Variants in PRKCA observed in about 807,000 individuals in gnomAD.
PRKCA encodes the protein protein kinase C alpha.
In PRKCA, 27 loss-of-function variants were observed where a neutral mutation model predicts 87.0. The ratio of observed to expected loss-of-function variants is 0.31; its 90% CI spans 0.23 to 0.43. The LOEUF (loss-of-function observed/expected upper bound fraction) is 0.43, where lower values mean the gene tolerates loss of function less well. PRKCA is among the 20% of genes least tolerant of loss of function. PRKCA has a pLI of 1.00. For synonymous variants in PRKCA, 329 were observed against 311.1 expected, an observed-to-expected ratio of 1.06 and a Z score of -0.61; for missense variants, 518 against 852.3, an observed-to-expected ratio of 0.61 and a Z score of 4.88.
At chr17:66,444,950 C>T (rs1913958059) in intron 2 of PRKCA, among the ~76,000 whole-genome samples, 1 of 152,204 alleles carries the variant, frequency 6.6e-6, no homozygotes, top group South Asian at 2.1e-4. Context: ...ACAACACACA[C>T]ACACTCTCAC....
chr17:66,527,263 C>T (rs1967376422), intron 3 of PRKCA, among the ~76,000 whole-genome samples: 1 of 150,458 alleles, frequency 6.6e-6, no homozygotes, highest in South Asian at 2.1e-4. Context: ...TTTGCATTCT[C>T]ATTATTCTGT....
chr17:66,328,717 G>A (rs1429121976), intron 2 of PRKCA, among the ~76,000 whole-genome samples: 1 of 152,168 alleles, frequency 6.6e-6, no homozygotes, highest in African/African-American at 2.4e-5. Flanking sequence ...AGAATCTTTT[G>A]AATCTGGGAG....
intron 16 of PRKCA, among the ~76,000 whole-genome samples, chr17:66,800,053 C>T (rs1409498389): frequency 2.6e-5 from 4 of 152,336 alleles, no homozygotes; most frequent in South Asian, 4.1e-4. Flanking sequence ...TGCTAAGACA[C>T]ACCCATGGCT....
chr17:66,749,976 C>T (rs1020470734), intron 13 of PRKCA, among the ~76,000 whole-genome samples: 1 of 152,054 alleles, frequency 6.6e-6, no homozygotes, highest in Non-Finnish European at 1.5e-5. Flanking sequence ...ACAGCCCCAG[C>T]TGACCCCAGA....
chr17:66,367,454 G>T (rs1466749686), intron 2 of PRKCA, among the ~76,000 whole-genome samples: 1 of 152,220 alleles, frequency 6.6e-6, no homozygotes, highest in Non-Finnish European at 1.5e-5. Flanking sequence ...AGCCACTGCT[G>T]TACCTAAAAC....
chr17:66,489,561 A>G (rs942204615), intron 2 of PRKCA, among the ~76,000 whole-genome samples: 8 of 151,736 alleles, frequency 5.3e-5, no homozygotes, highest in African/African-American at 1.9e-4. Context: ...TATGTGCTCA[A>G]GCGAGCAGGG....
At chr17:66,572,509 C>G (rs8066055) in intron 3 of PRKCA, among the ~76,000 whole-genome samples, 1 of 151,858 alleles carries the variant, frequency 6.6e-6, no homozygotes, top group Non-Finnish European at 1.5e-5. Context: ...TGAGAAAATA[C>G]GCAAGATGAA....
intron 5 of PRKCA, among the ~76,000 whole-genome samples, chr17:66,665,338 G>C (rs1406004685): frequency 1.3e-5 from 2 of 152,162 alleles, no homozygotes; most frequent in East Asian, 3.9e-4. Flanking sequence ...TTTTATCTGT[G>C]TCCTGAGAGT....
intron 10 of PRKCA, among the ~76,000 whole-genome samples, chr17:66,736,760 T>TCATA (rs1168986718): frequency 1.3e-5 from 2 of 151,828 alleles, no homozygotes; most frequent in Non-Finnish European, 2.9e-5. Flanking sequence ...ATCCAAAGAG[T>TCATA]CATATATCGT....
At chr17:66,748,648 A>T (rs1974354906) in intron 13 of PRKCA, among the ~76,000 whole-genome samples, 1 of 152,200 alleles carries the variant, frequency 6.6e-6, no homozygotes, top group East Asian at 1.9e-4. Flanking sequence ...TGATGCCGGG[A>T]TGGGGTGAGC....
chr17:66,700,527 A>G (rs1973033801), intron 8 of PRKCA, among the ~76,000 whole-genome samples: 1 of 152,200 alleles, frequency 6.6e-6, no homozygotes, highest in Non-Finnish European at 1.5e-5. Flanking sequence ...AGATGACATG[A>G]TCATATATAT....
Position 66,750,735 on chromosome 17 carries a change from T to G in PRKCA, c.1524+7975T>G, listed in dbSNP as rs140481729. ...TGCCTGCTACATCCCAGACCAGGGC[T>G]GAGCACCTTGTTTATTTTGTTTAAT... On this transcript the variant is annotated intron_variant, in intron 13 of 16. Transcript: ENST00000413366. Among the ~76,000 whole-genome samples the G allele has an allele frequency of 5.4e-3, 817 of 152,356 alleles. 5 individuals carry two copies. Among genetic ancestry groups the G allele is most frequent in the Non-Finnish European group, 7.6e-3 (518 of 68,032 alleles).
intron 2 of PRKCA, among the ~76,000 whole-genome samples, chr17:66,359,242 G>A (rs957761170): frequency 6.6e-6 from 1 of 152,084 alleles, no homozygotes; most frequent in Non-Finnish European, 1.5e-5. Context: ...GAAAATTCTT[G>A]AGTGGCACCA....
At chr17:66,593,124 A>G (rs951698863) in intron 3 of PRKCA, among the ~76,000 whole-genome samples, 1 of 152,230 alleles carries the variant, frequency 6.6e-6, no homozygotes, top group Non-Finnish European at 1.5e-5. Flanking sequence ...ACATTTATTT[A>G]GAGTTTAAAT....
intron 5 of PRKCA, among the ~76,000 whole-genome samples, chr17:66,662,640 G>C (rs958783226): frequency 4.0e-5 from 6 of 151,830 alleles, no homozygotes; most frequent in African/African-American, 9.7e-5. Context: ...AATGTGTCCA[G>C]GTTCTTGTTT....
At chr17:66,491,919 G>A (rs903990392) in intron 2 of PRKCA, among the ~76,000 whole-genome samples, 9 of 152,324 alleles carry the variant, frequency 5.9e-5, no homozygotes, top group South Asian at 2.1e-4. Context: ...TGCAGCCAGC[G>A]TCGGCCAACC....
chr17:66,759,481 T>C (rs1974631855), intron 13 of PRKCA, among the ~76,000 whole-genome samples: 1 of 145,630 alleles, frequency 6.9e-6, no homozygotes, highest in African/African-American at 2.5e-5. Context: ...TGGAATCATA[T>C]GAAATGCTCA....
intron 3 of PRKCA, among the ~76,000 whole-genome samples, chr17:66,504,965 A>T (rs1916908296): frequency 1.3e-5 from 2 of 152,116 alleles, no homozygotes; most frequent in South Asian, 4.1e-4. Flanking sequence ...TGAGCCTCTG[A>T]GGAAGCCCGA....
intron 8 of PRKCA, among the ~76,000 whole-genome samples, chr17:66,702,968 G>T (rs540549131): frequency 1.4e-4 from 22 of 152,058 alleles, no homozygotes; most frequent in Non-Finnish European, 3.1e-4. Context: ...GAAAAAAAGT[G>T]GTACACTAGT....
Sources: allele counts gnomAD v4.1 joint callset (sites outside exome capture counted in the v4.1 genomes callset), GRCh38; gene constraint gnomAD v4.1.1; transcripts MANE v1.5; gene names NCBI Gene and HGNC (gene_info 2026-07-23, HGNC 2026-07-21).